NALF1: variants seen among roughly 807,000 people sequenced by gnomAD.
NALF1 encodes family with sequence similarity 155 member A.
In NALF1, 3 loss-of-function variants were observed where a neutral mutation model predicts 48.4. The observed-to-expected ratio is 0.06, with a 90% CI of 0.03 to 0.16. The LOEUF is 0.16. NALF1 is among the 10% of genes least tolerant of loss of function. NALF1 has a pLI of 1.00. For synonymous variants in NALF1, 262 were observed against 245.7 expected (o/e 1.07, Z -0.62); for missense variants, 526 against 571.5 (o/e 0.92, Z 0.81).
intron 1 of NALF1, among the ~76,000 whole-genome samples, chr13:107,803,208 C>T (rs1193218034): frequency 1.3e-5 from 2 of 152,028 alleles, no homozygotes; most frequent in Non-Finnish European, 2.9e-5. Flanking sequence ...TTGAAAGAAG[C>T]GAACAAATGG....
At chr13:107,832,926 A>G (rs1879783094) in intron 1 of NALF1, among the ~76,000 whole-genome samples, 1 of 152,070 alleles carries the variant, frequency 6.6e-6, no homozygotes, top group Non-Finnish European at 1.5e-5. Context: ...ATACACTCCA[A>G]TCTCTTCTTC....
chr13:107,528,554 G>T (rs1249639480), intron 1 of NALF1, among the ~76,000 whole-genome samples: 1 of 152,074 alleles, frequency 6.6e-6, no homozygotes, highest in Non-Finnish European at 1.5e-5. Context: ...GCCTCGAGGG[G>T]AATTGCCTAA....
rs77103777 is a variant in NALF1, at chr13:107,438,406, T to G, written c.916-227651A>C. On this transcript the variant is annotated intron_variant, in intron 1 of 2. Coordinates refer to ENST00000375915, the MANE Select transcript of NALF1 (RefSeq NM_001080396.3). ...ATTAGAAACATTATTGAAAAATAAC[T>G]TCTATAATGCTTGCCAAATTGCCCT... Among the ~76,000 whole-genome samples the G allele has an allele frequency of 7.0e-3, 1,067 of 152,268 alleles. 38 individuals are homozygous for G. The East Asian group carries it at 0.11, about 16-fold the overall frequency.
rs149901614 is a variant in NALF1 at position 107,775,508 on chromosome 13, A to G, written c.915+90174T>C. On this transcript the variant is annotated intron_variant, in intron 1 of 2. Coordinates refer to ENST00000375915, the MANE Select transcript of NALF1 (RefSeq NM_001080396.3). Reference sequence around the variant, plus strand: ...CTTTGCTATTGTGAAGAGTGCTGCAATAAACATACGTGTGCATGTGTCCTT... The same window carrying G: ...CTTTGCTATTGTGAAGAGTGCTGCAGTAAACATACGTGTGCATGTGTCCTT... Among the ~76,000 whole-genome samples the G allele has an allele frequency of 2.5e-3, 377 of 152,134 alleles. 1 individual carries two copies. The highest frequency in any genetic ancestry group is 7.2e-3 in the Admixed American group (110 of 15,258).
chr13:107,270,814 C>G (rs560394713), intron 1 of NALF1, among the ~76,000 whole-genome samples: 2 of 144,582 alleles, frequency 1.4e-5, no homozygotes, highest in South Asian at 2.4e-4. Context: ...TCCCTCCCCC[C>G]TCCCTCCACC....
intron 2 of NALF1, among the ~76,000 whole-genome samples, chr13:107,190,684 A>G (rs2138783879): frequency 6.6e-6 from 1 of 152,362 alleles, no homozygotes; most frequent in East Asian, 1.9e-4. Flanking sequence ...TCAATATTAT[A>G]AAGTCAATAT....
rs117856042 is a variant in NALF1, at chr13:107,281,553, C to T, written c.916-70798G>A. Among the ~76,000 whole-genome samples the T allele has an allele frequency of 9.5e-3, 1,441 of 152,238 alleles. 14 individuals are homozygous for T. Among genetic ancestry groups the T allele is most frequent in the Non-Finnish European group, 0.016 (1,062 of 68,020 alleles). ...GCACAGAAAGGGCTGCAAAAAGTGACGGTAATTAGACACTTGAGAAGGGAT... is the reference window on the plus strand; with the variant it reads ...GCACAGAAAGGGCTGCAAAAAGTGATGGTAATTAGACACTTGAGAAGGGAT... On this transcript the variant is annotated intron_variant, in intron 1 of 2. Transcript: ENST00000375915.
In NALF1 at chr13:107,866,459, C is replaced by G; in HGVS notation, c.138G>C (p.Leu46Phe). The G allele has an allele frequency of 6.2e-7, 1 of 1,614,172 alleles. No homozygotes were observed. Among genetic ancestry groups the G allele is most frequent in the Non-Finnish European group, 8.5e-7 (1 of 1,180,032 alleles). The change falls in exon 1 of 3, where the codon TTG (leucine) becomes TTC (phenylalanine). Residue 46 changes from leucine to phenylalanine, a missense_variant. By Grantham distance (22) the Leu-to-Phe change is conservative. Coordinates refer to ENST00000375915, the MANE Select transcript of NALF1 (RefSeq NM_001080396.3). The surrounding 1 kb of genome is among the most constrained non-coding windows in gnomAD (Gnocchi z 4.4). Reference sequence around the variant, plus strand: ...GATCAGAGAGCAGGACTGTGAAAAACAAGAGAGATGCCAGAGACAGTCGCC... The same window carrying G: ...GATCAGAGAGCAGGACTGTGAAAAAGAAGAGAGATGCCAGAGACAGTCGCC... ...QKWRLSLASL[L>F]FFTVLLSDHL... is the part of the protein sequence containing the mutation.
At chr13:107,432,839 T>C (rs1884404455) in intron 1 of NALF1, among the ~76,000 whole-genome samples, 1 of 152,204 alleles carries the variant, frequency 6.6e-6, no homozygotes, top group African/African-American at 2.4e-5. Flanking sequence ...ATTGGTTTCA[T>C]TTATAATTGT....
In NALF1 at chr13:107,338,798, G is replaced by A. The variant is rs899079410; in HGVS notation, c.916-128043C>T. ...GTAATGTTGGACCTGTTTGCCCCGC[G>A]TGTTTCCCGAAGATGTGGGTGCAAA... is the stretch of plus-strand genomic sequence containing the variant. On this transcript the variant is annotated intron_variant, in intron 1 of 2. Coordinates refer to ENST00000375915, the MANE Select transcript of NALF1 (RefSeq NM_001080396.3). 7.2e-5 allele frequency among the ~76,000 whole-genome samples: 11 copies of A among 152,202 alleles called. No individual in the cohort carries two copies. In the East Asian group the frequency reaches 7.7e-4, roughly 11 times the overall value.
chr13:107,860,632 G>C (rs1880547552), intron 1 of NALF1, among the ~76,000 whole-genome samples: 1 of 152,124 alleles, frequency 6.6e-6, no homozygotes, highest in East Asian at 1.9e-4. Context: ...TTGCAATGTA[G>C]ATCAATATAA....
chr13:107,654,200 GATATT>G (rs1880519465), intron 1 of NALF1, among the ~76,000 whole-genome samples: 1 of 152,034 alleles, frequency 6.6e-6, no homozygotes, highest in Non-Finnish European at 1.5e-5. Flanking sequence ...TGAAATGGAA[GATATT>G]ATAACTGACA....
At chr13:107,536,285 C>A (rs930803564) in intron 1 of NALF1, among the ~76,000 whole-genome samples, 4 of 150,138 alleles carry the variant, frequency 2.7e-5, no homozygotes, top group African/African-American at 1.0e-4. Context: ...TCAGAGTGAA[C>A]AGGCAACCTA....
chr13:107,193,909 A>T (rs1879332531), intron 2 of NALF1, among the ~76,000 whole-genome samples: 1 of 151,854 alleles, frequency 6.6e-6, no homozygotes, highest in African/African-American at 2.4e-5. Context: ...CTAGAGAGAG[A>T]GAGAGCTGTA....
intron 1 of NALF1, among the ~76,000 whole-genome samples, chr13:107,660,476 C>A (rs1036747716): frequency 2.6e-3 from 206 of 79,940 alleles, no homozygotes; most frequent in Non-Finnish European, 4.6e-3. Context: ...CACACACACA[C>A]ACACACACAA....
chr13:107,488,249 GT>G lies in NALF1; in HGVS notation c.916-277495del, dbSNP rs531477722. Among the ~76,000 whole-genome samples the G allele has an allele frequency of 1.4e-3, 205 of 146,928 alleles. 2 individuals carry two copies. The highest frequency in any genetic ancestry group is 4.9e-3 in the African/African-American group (198 of 40,294). ...TCCTGAATTCATTGATCTTTTGAAT[GT>G]TTTTTTCCTGTCTCTATCTCCTTCA... On this transcript the variant is annotated intron_variant, in intron 1 of 2. Coordinates refer to ENST00000375915, the MANE Select transcript of NALF1 (RefSeq NM_001080396.3).
At chr13:107,211,359 G>C (rs1594072129) in intron 1 of NALF1, among the ~76,000 whole-genome samples, 2 of 152,232 alleles carry the variant, frequency 1.3e-5, no homozygotes, top group South Asian at 2.1e-4. Context: ...ACCCGACATA[G>C]AGCAGACATC....
At chr13:107,472,795 T>C (rs1885121752) in intron 1 of NALF1, among the ~76,000 whole-genome samples, 1 of 152,158 alleles carries the variant, frequency 6.6e-6, no homozygotes, top group African/African-American at 2.4e-5. Context: ...TCCTGGCTCC[T>C]CAGCTTGCAC....
At chr13:107,569,029 G>A (rs1039632263) in intron 1 of NALF1, among the ~76,000 whole-genome samples, 2 of 152,094 alleles carry the variant, frequency 1.3e-5, no homozygotes, top group African/African-American at 4.8e-5. Flanking sequence ...GATTTTCTCT[G>A]TCCTTTCTAA....
Sources: gnomAD v4.1 joint callset for allele counts (sites outside exome capture counted in the v4.1 genomes callset) on GRCh38, gnomAD v4.1.1 for gene constraint, Gnocchi (gnomAD v3.1) non-coding constraint, MANE v1.5 for transcripts, NCBI Gene and HGNC (gene_info 2026-07-23, HGNC 2026-07-21) for gene names.